The following TRIM33 variants were observed in gnomAD, a reference collection of about 807,000 sequenced individuals.
TRIM33 encodes the protein E3 ubiquitin-protein ligase TRIM33.
A neutral mutation model predicts 125.4 loss-of-function variants in TRIM33; 20 were observed. That is an observed-to-expected ratio of 0.16 (90% confidence interval 0.11 to 0.23). The LOEUF is 0.23. Ranked by LOEUF, TRIM33 falls within the 10% of genes least tolerant of loss-of-function variation. TRIM33 has a pLI of 1.00. For missense variants in TRIM33, 920 were observed against 1,411.4 expected, an observed-to-expected ratio of 0.65 and a Z score of 5.58; for synonymous variants, 564 against 513.9, an observed-to-expected ratio of 1.10 and a Z score of -1.32.
rs968372430 is a variant in TRIM33 at position 114,396,134 on chromosome 1, G to A, written c.*1514C>T. ...TATTTTGGTCTCTGAATATTCTAAT[G>A]TGTCCATACAAAAGTAGGACTAAAA... On this transcript the variant is annotated 3_prime_UTR_variant, in exon 20 of 20. Coordinates refer to ENST00000358465, the MANE Select transcript of TRIM33 (RefSeq NM_015906.4). 5.0e-6 allele frequency: 1 copy of A among 201,090 alleles called. No individual in the cohort carries two copies. Among genetic ancestry groups the A allele is most frequent in the African/African-American group, 2.3e-5 (1 of 43,492 alleles). 12.5% of individuals were successfully genotyped at this position (201,090 alleles called of 1,614,324 possible).
intron 4 of TRIM33, among the ~76,000 whole-genome samples, chr1:114,459,776 A>G (rs1456820427): frequency 1.3e-5 from 2 of 152,260 alleles, no homozygotes; most frequent in African/African-American, 4.8e-5. Flanking sequence ...CCATATATAT[A>G]TACAGTTAAA....
chr1:114,498,701 C>T (rs1652523753), intron 1 of TRIM33, among the ~76,000 whole-genome samples: 2 of 151,964 alleles, frequency 1.3e-5, no homozygotes, highest in African/African-American at 4.8e-5. Flanking sequence ...ACAAGAAGAT[C>T]TTTCAGAATG....
At chr1:114,489,685 C>A (rs1024808463) in intron 1 of TRIM33, among the ~76,000 whole-genome samples, 2 of 152,034 alleles carry the variant, frequency 1.3e-5, no homozygotes, top group Non-Finnish European at 2.9e-5. Flanking sequence ...GTTGAGGCTG[C>A]AGTGAGCTGT....
At chr1:114,445,613 G>A (rs545009483) in intron 4 of TRIM33, among the ~76,000 whole-genome samples, 1 of 151,996 alleles carries the variant, frequency 6.6e-6, no homozygotes, top group East Asian at 1.9e-4. Context: ...ACGCCACAGA[G>A]GATAAACAGA....
intron 4 of TRIM33, among the ~76,000 whole-genome samples, chr1:114,439,468 CAAAAAAAAAAAAAA>C (rs59231995): frequency 2.2e-5 from 1 of 45,964 alleles, no homozygotes; most frequent in African/African-American, 8.8e-5. Flanking sequence ...GACTCTGTAT[CAAAAAAAAAAAAAA>C]AAAAAAAAAA....
intron 4 of TRIM33, among the ~76,000 whole-genome samples, chr1:114,443,936 G>A (rs1316237826): frequency 6.6e-6 from 1 of 151,868 alleles, no homozygotes; most frequent in African/African-American, 2.4e-5. Context: ...AGGACACAGT[G>A]ACTGGTACCA....
intron 1 of TRIM33, among the ~76,000 whole-genome samples, chr1:114,509,369 T>A (rs753991205): frequency 6.6e-6 from 1 of 152,180 alleles, no homozygotes; most frequent in African/African-American, 2.4e-5. Flanking sequence ...TTATCGTCTA[T>A]CCCATTAGCG....
chr1:114,496,832 A>G (rs1344146828), intron 1 of TRIM33, among the ~76,000 whole-genome samples: 1 of 152,194 alleles, frequency 6.6e-6, no homozygotes, highest in African/African-American at 2.4e-5. Context: ...TGCTGTGATC[A>G]GATATTCCAT....
Position 114,417,963 on chromosome 1 carries a change from C to T in TRIM33, c.2061+3473G>A, listed in dbSNP as rs563090001. Reference sequence around the variant, plus strand: ...GAGCCACTGCACCCAGCCTAAAATTCCAACTTTTCTATCTATCATGTGACT... The same window carrying T: ...GAGCCACTGCACCCAGCCTAAAATTTCAACTTTTCTATCTATCATGTGACT... On this transcript the variant is annotated intron_variant, in intron 11 of 19. Coordinates refer to ENST00000358465, the MANE Select transcript of TRIM33 (RefSeq NM_015906.4). Among the ~76,000 whole-genome samples, 232 of 152,254 alleles carry T rather than the reference C, an allele frequency of 1.5e-3. 1 individual carries two copies. The Middle Eastern group carries it at 0.027, about 18-fold the overall frequency.
At chr1:114,428,043 G>T in intron 6 of TRIM33, 149 bp from the exon 7 acceptor site, 1 of 790,908 alleles carries the variant, frequency 1.3e-6, no homozygotes, top group Non-Finnish European at 1.9e-6. Context: ...CCTATCATCA[G>T]AGGAAAAGCC....
intron 11 of TRIM33, among the ~76,000 whole-genome samples, chr1:114,419,853 A>G (rs1653168086): frequency 6.6e-6 from 1 of 152,244 alleles, no homozygotes. Flanking sequence ...GTTTAACATC[A>G]TGTTGTTACC....
Position 114,396,157 on chromosome 1 carries a change from A to G in TRIM33, c.*1491T>C, listed in dbSNP as rs577761896. On this transcript the variant is annotated 3_prime_UTR_variant, in exon 20 of 20. Transcript: ENST00000358465. ...ATGTGTCCATACAAAAGTAGGACTA[A>G]AATCTTTAATCAAACAAAAGAGAAG... The G allele has an allele frequency of 9.9e-6, 2 of 202,274 alleles. No individual in the cohort carries two copies. Among genetic ancestry groups the G allele is most frequent in the Non-Finnish European group, 2.0e-5 (2 of 98,108 alleles). 12.5% of individuals were successfully genotyped at this position (202,274 alleles called of 1,614,324 possible).
chr1:114,485,813 T>C (rs1328887793), intron 1 of TRIM33, among the ~76,000 whole-genome samples: 2 of 152,198 alleles, frequency 1.3e-5, no homozygotes, highest in Non-Finnish European at 2.9e-5. Flanking sequence ...AGTCTCAGAA[T>C]GTGATATCCA....
chr1:114,403,189 A>G (rs1002590721), intron 15 of TRIM33, among the ~76,000 whole-genome samples: 5 of 152,222 alleles, frequency 3.3e-5, no homozygotes, highest in African/African-American at 1.2e-4. Flanking sequence ...ATTCTCTCAG[A>G]TCCCAGTATC....
chr1:114,408,197 GGA>G, intron 13 of TRIM33, among the ~76,000 whole-genome samples: 1 of 152,218 alleles, frequency 6.6e-6, no homozygotes, highest in African/African-American at 2.4e-5. Flanking sequence ...AAACACTGTA[GGA>G]GAAACTACAT....
At chr1:114,409,313 G>A (rs1345052310) in intron 12 of TRIM33, among the ~76,000 whole-genome samples, 1 of 152,176 alleles carries the variant, frequency 6.6e-6, no homozygotes, top group Non-Finnish European at 1.5e-5. Flanking sequence ...GAATCACTGA[G>A]TAATAGGGTT....
chr1:114,480,407 C>T (rs1028670066), intron 1 of TRIM33, among the ~76,000 whole-genome samples: 1 of 150,088 alleles, frequency 6.7e-6, no homozygotes, highest in African/African-American at 2.5e-5. Context: ...ATCTGCTGAC[C>T]TTCCTCCACT....
intron 4 of TRIM33, among the ~76,000 whole-genome samples, chr1:114,446,219 A>C (rs1424432456): frequency 5.3e-5 from 8 of 152,206 alleles, no homozygotes; most frequent in Admixed American, 5.2e-4. Flanking sequence ...CCTGCAAAAC[A>C]AGAAATGCTG....
At chr1:114,442,561 G>A (rs767998101) in intron 4 of TRIM33, among the ~76,000 whole-genome samples, 3 of 151,774 alleles carry the variant, frequency 2.0e-5, no homozygotes, top group Admixed American at 6.6e-5. Flanking sequence ...GGTGGTGGGC[G>A]CCTGTGATCC....
Sources: gnomAD v4.1 joint callset for allele counts (sites outside exome capture counted in the v4.1 genomes callset) on GRCh38, gnomAD v4.1.1 for gene constraint, MANE v1.5 for transcripts, NCBI Gene and HGNC (gene_info 2026-07-23, HGNC 2026-07-21) for gene names.